The following STIMATE variants were observed in gnomAD, a reference collection of about 807,000 sequenced individuals.
STIMATE encodes the protein STIM activating enhancer, also known as store-operated calcium entry regulator STIMATE.
STIMATE carries 15 observed loss-of-function variants against 36.7 expected under a neutral mutation model. That is an observed-to-expected ratio of 0.41 (90% confidence interval 0.27 to 0.63). The LOEUF (loss-of-function observed/expected upper bound fraction) is 0.63. STIMATE is among the 20% of genes least tolerant of loss of function. The pLI, the probability that STIMATE is intolerant of heterozygous loss-of-function variation, is 0.32. For missense variants in STIMATE, 305 were observed against 397.3 expected, an observed-to-expected ratio of 0.77 and a Z score of 1.98; for synonymous variants, 163 against 162.3, an observed-to-expected ratio of 1.00 and a Z score of -0.03.
At chr3:52,845,046 G>C in intron 4 of STIMATE, 105 bp from the exon 5 acceptor site, 2 of 1,156,838 alleles carry the variant, frequency 1.7e-6, no homozygotes, top group Non-Finnish European at 2.4e-6. Flanking sequence ...TGGCTCTAAA[G>C]CTCTAAAGGT....
intron 1 of STIMATE, among the ~76,000 whole-genome samples, chr3:52,891,982 G>A (rs1701790961): frequency 6.6e-6 from 1 of 152,166 alleles, no homozygotes; most frequent in African/African-American, 2.4e-5. Context: ...CTGAAGCTTT[G>A]AGAAATGCAG....
chr3:52,890,093 C>T (rs745979466), intron 1 of STIMATE, among the ~76,000 whole-genome samples: 2 of 152,188 alleles, frequency 1.3e-5, no homozygotes, highest in African/African-American at 2.4e-5. Flanking sequence ...GACACTTCCT[C>T]GAGTCCCCAG....
chr3:52,845,821 A>G (rs1473240516), intron 4 of STIMATE, among the ~76,000 whole-genome samples: 1 of 151,766 alleles, frequency 6.6e-6, no homozygotes, highest in Non-Finnish European at 1.5e-5. Flanking sequence ...AAAGTGGGAG[A>G]CCCAGGGGAG....
At chr3:52,849,723 C>T (rs1034665663) in intron 4 of STIMATE, 69 bp downstream of exon 4, 54 of 1,543,824 alleles carry the variant, frequency 3.5e-5, no homozygotes, top group Non-Finnish European at 4.4e-5. Flanking sequence ...CCTGGTGGGC[C>T]GCATGGGGCA....
intron 1 of STIMATE, among the ~76,000 whole-genome samples, chr3:52,880,912 G>T (rs1050052732): frequency 6.6e-6 from 1 of 152,238 alleles, no homozygotes; most frequent in African/African-American, 2.4e-5. Flanking sequence ...AGTAAAGCCA[G>T]GTGCGGTGGC....
At chr3:52,845,381 C>T (rs1447823715) in intron 4 of STIMATE, among the ~76,000 whole-genome samples, 8 of 152,230 alleles carry the variant, frequency 5.3e-5, no homozygotes, top group African/African-American at 1.9e-4. Context: ...GATGATGAAG[C>T]AGGACCCAGT....
intron 1 of STIMATE, among the ~76,000 whole-genome samples, chr3:52,882,289 C>T (rs1184388757): frequency 6.6e-6 from 1 of 152,224 alleles, no homozygotes; most frequent in African/African-American, 2.4e-5. Context: ...ATGGAAGCTG[C>T]AGTCTTCATA....
At chr3:52,862,565 T>C (rs1701235938) in intron 1 of STIMATE, among the ~76,000 whole-genome samples, 1 of 152,238 alleles carries the variant, frequency 6.6e-6, no homozygotes, top group Non-Finnish European at 1.5e-5. Context: ...GTATATAAAA[T>C]TCAAAGAGTA....
At position 52,888,073 on chromosome 3, in the gene STIMATE, G is replaced by A. The variant is rs573397599; in HGVS notation, c.160+9218C>T. ...GAAATCTGAAGGCAGAATAAAGCCA[G>A]GGCTCTTGACAGAAAAAAAACACTT... On this transcript the variant is annotated intron_variant, in intron 1 of 7. Coordinates refer to ENST00000355083, the MANE Select transcript of STIMATE (RefSeq NM_198563.5). Among the ~76,000 whole-genome samples, 25 of 121,886 alleles carry A rather than the reference G, an allele frequency of 2.1e-4. No homozygotes were observed. The Admixed American group carries it at 2.6e-3, about 13-fold the overall frequency. The allele number at this position is 121,886 out of a possible 152,430, so 80.0% of individuals were successfully genotyped here. A position where few individuals can be genotyped will look rare whatever the true frequency, so the allele number is the denominator to read the frequency against.
At position 52,849,854 on chromosome 3, in the gene STIMATE, AC is replaced by A. The variant is rs1188267815; in HGVS notation, c.364del (p.Val122CysfsTer8). 6.2e-7 allele frequency: 1 copy of A among 1,613,816 alleles called. No homozygotes were observed. The highest frequency in any genetic ancestry group is 1.1e-5 in the South Asian group (1 of 91,080). On this transcript the variant is annotated frameshift_variant, in exon 4 of 8. Coordinates refer to ENST00000355083, the MANE Select transcript of STIMATE (RefSeq NM_198563.5). LOFTEE classifies it high-confidence loss of function. ...TVGMLLIYVGVRAVSVLVEWQ... is the reference protein window; with the variant it reads ...TVGMLLIYVGXRAVSVLVEWQ... ...CTCTACCAGGACGCTGACGGCGCGCACCCCCACGTAGATGAGCAGCATGCCC... is the reference window on the plus strand; with the variant it reads ...CTCTACCAGGACGCTGACGGCGCGCACCCCACGTAGATGAGCAGCATGCCC...
intron 1 of STIMATE, among the ~76,000 whole-genome samples, chr3:52,873,812 G>C (rs1481660308): frequency 6.6e-6 from 1 of 152,160 alleles, no homozygotes; most frequent in South Asian, 2.1e-4. Flanking sequence ...CCTACCCTGT[G>C]AGCCAGTATC....
chr3:52,844,847 T>C lies in STIMATE; in HGVS notation c.522A>G (p.Leu174=). Reference sequence around the variant, plus strand: ...AGCAAACCTTTTTCCACTGAAGTATTAGGAGGACGATGAAGACGACAGACT... The same window carrying C: ...AGCAAACCTTTTTCCACTGAAGTATCAGGAGGACGATGAAGACGACAGACT... ...FEKSVVFIVL[L]ILQWKKVALL... Residue 174 remains leucine (L), a synonymous_variant, in exon 5 of 8, where the codon CTA becomes CTG. Coordinates refer to ENST00000355083, the MANE Select transcript of STIMATE (RefSeq NM_198563.5). The C allele has an allele frequency of 1.9e-6, 3 of 1,613,992 alleles. No individual in the cohort carries two copies. The highest frequency in any genetic ancestry group is 2.2e-5 in the East Asian group (1 of 44,880).
chr3:52,846,746 G>A (rs1400489643), intron 4 of STIMATE, among the ~76,000 whole-genome samples: 1 of 152,188 alleles, frequency 6.6e-6, no homozygotes, highest in East Asian at 1.9e-4. Context: ...CATTTCCTCT[G>A]GGAACCCAGA....
intron 1 of STIMATE, among the ~76,000 whole-genome samples, chr3:52,870,703 C>A (rs933791709): frequency 6.6e-6 from 1 of 152,112 alleles, no homozygotes; most frequent in African/African-American, 2.4e-5. Context: ...GCTGGTCAAG[C>A]GAGTCTTCTT....
At chr3:52,896,705 G>T (rs1701870483) in intron 1 of STIMATE, among the ~76,000 whole-genome samples, 1 of 152,186 alleles carries the variant, frequency 6.6e-6, no homozygotes, top group African/African-American at 2.4e-5. Context: ...AGGCAGACTG[G>T]GTGGGTCCTA....
chr3:52,840,869 T>C (rs1296635252), intron 7 of STIMATE, among the ~76,000 whole-genome samples: 1 of 152,044 alleles, frequency 6.6e-6, no homozygotes, highest in Non-Finnish European at 1.5e-5. Context: ...GGTTCGTTGT[T>C]TTTTTTTGCT....
intron 1 of STIMATE, among the ~76,000 whole-genome samples, chr3:52,882,294 T>C (rs941795335): frequency 3.3e-5 from 5 of 152,208 alleles, no homozygotes; most frequent in Non-Finnish European, 5.9e-5. Flanking sequence ...AGCTGCAGTC[T>C]TCATAATAAC....
intron 1 of STIMATE, among the ~76,000 whole-genome samples, chr3:52,863,714 T>C (rs555601982): frequency 2.4e-4 from 37 of 152,278 alleles, no homozygotes; most frequent in Middle Eastern, 3.4e-3. Context: ...AAAAGCAAGC[T>C]AGTTACTTCC....
At chr3:52,854,898 A>T (rs1701067828) in intron 2 of STIMATE, among the ~76,000 whole-genome samples, 2 of 152,230 alleles carry the variant, frequency 1.3e-5, no homozygotes, top group Admixed American at 1.3e-4. Flanking sequence ...ATGCTGGGGG[A>T]AGAAAACCCT....
Sources: allele counts gnomAD v4.1 joint callset (sites outside exome capture counted in the v4.1 genomes callset), GRCh38; gene constraint gnomAD v4.1.1; transcripts MANE v1.5; gene names NCBI Gene and HGNC (gene_info 2026-07-23, HGNC 2026-07-21).